The following NUP210L variants were observed in gnomAD, a reference collection of about 807,000 sequenced individuals.
NUP210L encodes nucleoporin 210 like, also known as nuclear pore membrane glycoprotein 210-like.
Under a neutral mutation model 208.5 loss-of-function variants are expected in NUP210L, and 74 were observed. That is an observed-to-expected ratio of 0.35 (90% confidence interval 0.29 to 0.43). NUP210L has a LOEUF of 0.43. NUP210L is among the 20% of genes least tolerant of loss of function. The pLI is 1.00. For synonymous variants in NUP210L, 780 were observed against 816.9 expected (o/e 0.95, Z 0.77); for missense variants, 1,843 against 2,289.4 (o/e 0.81, Z 3.98).
intron 20 of NUP210L, among the ~76,000 whole-genome samples, chr1:154,059,829 T>G (rs537149338): frequency 2.0e-5 from 3 of 152,296 alleles, no homozygotes; most frequent in Admixed American, 2.0e-4. Context: ...TATACATATA[T>G]TAATAGATGG....
chr1:153,993,435 G>A (rs1039837215), intron 38 of NUP210L, among the ~76,000 whole-genome samples: 3 of 152,002 alleles, frequency 2.0e-5, no homozygotes, highest in African/African-American at 4.8e-5. Flanking sequence ...GCGTGTTGGC[G>A]GGTGCCTGTA....
intron 16 of NUP210L, among the ~76,000 whole-genome samples, chr1:154,076,313 A>C (rs1234742417): frequency 1.3e-5 from 2 of 151,406 alleles, no homozygotes; most frequent in Non-Finnish European, 2.9e-5. Flanking sequence ...CAGATTGGCC[A>C]GGATGGTCTT....
chr1:154,138,185 T>C (rs1658642962), exon 6 of NUP210L: 2 of 1,544,016 alleles, frequency 1.3e-6, no homozygotes, highest in African/African-American at 2.9e-5. Flanking sequence ...CATGGGATGG[T>C]ATAAGAAATA....
intron 25 of NUP210L, among the ~76,000 whole-genome samples, chr1:154,050,026 C>A (rs1308983018): frequency 1.3e-5 from 2 of 152,098 alleles, no homozygotes; most frequent in Non-Finnish European, 2.9e-5. Context: ...GGACGATATA[C>A]TTTGTGCTGC....
Position 154,066,021 on chromosome 1 carries a change from G to T in NUP210L, c.2554+4252C>A, listed in dbSNP as rs558057117. ...GAAACTGAACAACCTGCTCCTGAATGACTACCGGGTAAACAACGAAATGAA... is the reference window on the plus strand; with the variant it reads ...GAAACTGAACAACCTGCTCCTGAATTACTACCGGGTAAACAACGAAATGAA... On this transcript the variant is annotated intron_variant, in intron 17 of 39. Transcript: ENST00000368559. Among the ~76,000 whole-genome samples the T allele has an allele frequency of 5.9e-5, 9 of 151,698 alleles. No homozygotes were observed. In the South Asian group the frequency reaches 1.9e-3, roughly 31 times the overall value.
At chr1:154,003,009 C>CTT (rs34229994) in intron 35 of NUP210L, among the ~76,000 whole-genome samples, 56 of 133,490 alleles carry the variant, frequency 4.2e-4, no homozygotes, top group African/African-American at 1.3e-3. Flanking sequence ...CCTTAGCTGT[C>CTT]TTTTTTTTTT....
intron 11 of NUP210L, 106 bp from the exon 12 acceptor site, chr1:154,117,986 TATA>T (rs1365957684): frequency 1.3e-6 from 1 of 758,216 alleles, no homozygotes; most frequent in African/African-American, 1.8e-5. Flanking sequence ...AGTAACATAA[TATA>T]ATAAATTATT....
chr1:154,099,991 A>G lies in NUP210L; in HGVS notation c.1965+7T>C, dbSNP rs113857104. On this transcript the variant is annotated splice_region_variant and intron_variant, in intron 14 of 39. Coordinates refer to ENST00000368559, the Ensembl canonical transcript of NUP210L. ...AAATGCCAGTTCCTTACCATGAAAT[A>G]TCTTACCTTTAGGGGTTCATAAGCA... The G allele has an allele frequency of 1.4e-4, 229 of 1,613,996 alleles. No individual in the cohort carries two copies. In the African/African-American group the frequency reaches 2.3e-3, roughly 16 times the overall value.
chr1:153,994,279 T>G (rs967164520), intron 38 of NUP210L, among the ~76,000 whole-genome samples: 1 of 152,204 alleles, frequency 6.6e-6, no homozygotes, highest in Non-Finnish European at 1.5e-5. Flanking sequence ...TGGTGTGTGT[T>G]TGCCAAATCC....
At chr1:154,091,501 C>CTTTTTTTTTTT (rs772608860) in intron 15 of NUP210L, among the ~76,000 whole-genome samples, 1 of 124,628 alleles carries the variant, frequency 8.0e-6, no homozygotes, top group Non-Finnish European at 1.7e-5. Flanking sequence ...CTTTTCTTTT[C>CTTTTTTTTTTT]TTTTTTTTTT....
At chr1:154,072,307 T>TATTTTA (rs1173625357) in intron 16 of NUP210L, among the ~76,000 whole-genome samples, 4 of 151,480 alleles carry the variant, frequency 2.6e-5, no homozygotes, top group Non-Finnish European at 5.9e-5. Context: ...TGTATTTTTT[T>TATTTTA]ATTTTAATTA....
chr1:154,113,505 A>G (rs1342451280), intron 12 of NUP210L, among the ~76,000 whole-genome samples: 1 of 152,070 alleles, frequency 6.6e-6, no homozygotes, highest in Non-Finnish European at 1.5e-5. Flanking sequence ...AAGGTTGTAA[A>G]ATAAAACAAT....
chr1:154,030,765 C>A (rs1652172328), intron 27 of NUP210L, among the ~76,000 whole-genome samples: 1 of 150,786 alleles, frequency 6.6e-6, no homozygotes, highest in Non-Finnish European at 1.5e-5. Flanking sequence ...AGGGTCTTGT[C>A]CTGTTGCCAA....
At chr1:154,058,522 A>T (rs1177954904) in intron 21 of NUP210L, 43 bp downstream of exon 21, 1 of 1,600,630 alleles carries the variant, frequency 6.2e-7, no homozygotes. Context: ...GGTAGTGAGA[A>T]TAAGTCTTGC....
rs781341651 is a variant in NUP210L, at chr1:154,025,514, G to T, written c.4122+28C>A. 6 of 1,431,704 alleles carry T rather than the reference G, an allele frequency of 4.2e-6. No homozygotes were observed. In the South Asian group the frequency reaches 6.7e-5, roughly 16 times the overall value. The allele number at this position is 1,431,704 out of a possible 1,614,324, so 88.7% of individuals were successfully genotyped here. A position where few individuals can be genotyped will look rare whatever the true frequency, so the allele number is the denominator to read the frequency against. On this transcript the variant is annotated intron_variant, in intron 30 of 39. Coordinates refer to ENST00000368559, the Ensembl canonical transcript of NUP210L. ...GCCAGGGTATGACTTTTATTTATTT[G>T]TTTTTTTTAGTAAGTCCATGAACTC...
At chr1:154,057,944 G>C (rs961064257) in intron 22 of NUP210L, 145 bp downstream of exon 22, 52 of 863,506 alleles carry the variant, frequency 6.0e-5, no homozygotes, top group Non-Finnish European at 8.9e-5. Context: ...AATATGGGAA[G>C]AGCGTATGGG....
intron 27 of NUP210L, among the ~76,000 whole-genome samples, chr1:154,031,025 G>A (rs533569406): frequency 6.6e-6 from 1 of 152,266 alleles, no homozygotes; most frequent in South Asian, 2.1e-4. Context: ...TGCAATTACA[G>A]GCGTGAGCCA....
chr1:154,044,095 A>G (rs1031398390), intron 27 of NUP210L, among the ~76,000 whole-genome samples: 1 of 151,538 alleles, frequency 6.6e-6, no homozygotes, highest in Non-Finnish European at 1.5e-5. Context: ...CCTTTCACAC[A>G]CTCCTGTCTG....
intron 27 of NUP210L, among the ~76,000 whole-genome samples, chr1:154,042,998 C>T (rs1652976304): frequency 6.7e-6 from 1 of 148,412 alleles, no homozygotes. Context: ...AGCTGTGAGC[C>T]ACCACACCCA....
Sources: allele counts gnomAD v4.1 joint callset (sites outside exome capture counted in the v4.1 genomes callset), GRCh38; gene constraint gnomAD v4.1.1; transcripts MANE v1.5; gene names NCBI Gene and HGNC (gene_info 2026-07-23, HGNC 2026-07-21).